GRN: variants seen among roughly 807,000 people sequenced by gnomAD.
GRN encodes the protein progranulin.
A neutral mutation model predicts 66.7 loss-of-function variants in GRN; 30 were observed. That is an observed-to-expected ratio of 0.45 (90% CI 0.34 to 0.61). The LOEUF (loss-of-function observed/expected upper bound fraction) is 0.61, where lower values mean the gene tolerates loss of function less well. Among genes scored for constraint, GRN ranks in the 20% least tolerant of loss-of-function variants. The pLI is 0.01. For missense variants in GRN, 731 were observed against 803.5 expected (o/e 0.91, Z 1.09); for synonymous variants, 327 against 311.1 (o/e 1.05, Z -0.54).
intron 4 of GRN, 162 bp downstream of exon 4, chr17:44,349,913 C>G: frequency 1.5e-6 from 1 of 659,980 alleles, no homozygotes; most frequent in East Asian, 2.7e-5. Context: ...AGGGGCAGCA[C>G]TGGGGATAGG....
intron 1 of GRN, among the ~76,000 whole-genome samples, chr17:44,348,564 C>T (rs776918079): frequency 2.6e-4 from 40 of 152,236 alleles, no homozygotes; most frequent in Non-Finnish European, 5.3e-4. Context: ...CTGGGGAAGG[C>T]AGCCCAGACT....
Position 44,352,012 on chromosome 17 carries a change from C to T in GRN, c.1180-3C>T, listed in dbSNP as rs368307425. The T allele has an allele frequency of 6.0e-5, 97 of 1,610,714 alleles. 1 individual carries two copies. The African/African-American group carries it at 1.2e-3, about 20-fold the overall frequency. Reference sequence around the variant, plus strand: ...ACAACGCCCTTTCCTGCCCACCCCCCAGGCTGTCTGCTGCTCGGACCACCA... The same window carrying T: ...ACAACGCCCTTTCCTGCCCACCCCCTAGGCTGTCTGCTGCTCGGACCACCA... On this transcript the variant is annotated splice_polypyrimidine_tract_variant and splice_region_variant and intron_variant, in intron 10 of 12. Transcript: ENST00000053867.
rs1452157630 is a variant in GRN, at chr17:44,350,438, T to C, written c.463-4T>C. 6.2e-7 allele frequency: 1 copy of C among 1,613,928 alleles called. No individual in the cohort carries two copies. Among genetic ancestry groups the C allele is most frequent in the Non-Finnish European group, 8.5e-7 (1 of 1,179,972 alleles). Reference sequence around the variant, plus strand: ...AAGACGGAGTCAGGACCATTTTTTCTCAGGCTTCCTGCTGTGAAGACAGGG... The same window carrying C: ...AAGACGGAGTCAGGACCATTTTTTCCCAGGCTTCCTGCTGTGAAGACAGGG... On this transcript the variant is annotated splice_region_variant and splice_polypyrimidine_tract_variant and intron_variant, in intron 5 of 12. Coordinates refer to ENST00000053867, the MANE Select transcript of GRN (RefSeq NM_002087.4).
Position 44,351,457 on chromosome 17 carries a change from C to G in GRN, c.930C>G (p.Thr310=). The G allele has an allele frequency of 6.2e-7, 1 of 1,613,138 alleles. No homozygotes were observed. Among genetic ancestry groups the G allele is most frequent in the Non-Finnish European group, 8.5e-7 (1 of 1,179,292 alleles). ...GGGCCTGGGGCTGCTGCCCTTTTACCCAGGTACCCAGGGGTGGCGGGTGGG... is the reference window on the plus strand; with the variant it reads ...GGGCCTGGGGCTGCTGCCCTTTTACGCAGGTACCCAGGGGTGGCGGGTGGG... ...QSGAWGCCPF[T]QAVCCEDHIH... Residue 310 remains threonine (T), a synonymous_variant, in exon 9 of 13, where the codon ACC becomes ACG. Transcript: ENST00000053867.
intron 1 of GRN, chr17:44,345,964 T>C (rs1243594042): frequency 6.6e-6 from 1 of 152,346 alleles, no homozygotes; most frequent in African/African-American, 2.4e-5. Flanking sequence ...AAGAGGCTGC[T>C]GTCCCCTCTG....
chr17:44,351,489 G>A (rs1335525829), intron 9 of GRN, 29 bp downstream of exon 9: 1 of 1,613,186 alleles, frequency 6.2e-7, no homozygotes, highest in African/African-American at 1.3e-5. Flanking sequence ...TGGGTGGGCT[G>A]AGCACAGTGT....
chr17:44,352,737 G>A lies in GRN; in HGVS notation c.1721G>A (p.Arg574His), dbSNP rs756117423. ...RCAARGTKCLRREAPRWDAPL... is the reference protein window; with the variant it reads ...RCAARGTKCLHREAPRWDAPL... ...GCAGCCAGGGGTACCAAGTGTTTGC[G>A]CAGGGAGGCCCCGCGCTGGGACGCC... Residue 574 changes from arginine (R) to histidine (H), a missense_variant, in exon 13 of 13, where the codon CGC (arginine) becomes CAC (histidine). By Grantham distance (29) the Arg-to-His change is conservative (BLOSUM62 0). Coordinates refer to ENST00000053867, the MANE Select transcript of GRN (RefSeq NM_002087.4). 25 of 1,611,492 alleles carry A rather than the reference G, an allele frequency of 1.6e-5. No homozygotes were observed. The highest frequency in any genetic ancestry group is 1.3e-4 in the East Asian group (6 of 44,894).
chr17:44,350,112 C>A, intron 4 of GRN, 116 bp from the exon 5 acceptor site: 1 of 802,100 alleles, frequency 1.2e-6, no homozygotes, highest in South Asian at 1.4e-5. Flanking sequence ...GCCTTAGTGT[C>A]ACCCTCAAAC....
rs780101239 is a variant in GRN, at chr17:44,351,750, C to T, written c.1134C>T (p.Cys378=). 7 of 1,613,694 alleles carry T rather than the reference C, an allele frequency of 4.3e-6. No homozygotes were observed. The South Asian group carries it at 7.7e-5, about 18-fold the overall frequency. Residue 378 remains cysteine, a synonymous_variant, in exon 10 of 13, where the codon TGC becomes TGT. Coordinates refer to ENST00000053867, the MANE Select transcript of GRN (RefSeq NM_002087.4). ...NVSSCPSSDT[C]CQLTSGEWGC... ...GCAGCTGTCCCTCCTCCGATACCTG[C>T]TGCCAACTCACGTCTGGGGAGTGGG...
rs995055474 is a variant in GRN at position 44,353,025 on chromosome 17, T to C, written c.*227T>C. 1.7e-6 allele frequency: 1 copy of C among 605,574 alleles called. No individual in the cohort carries two copies. Among genetic ancestry groups the C allele is most frequent in the African/African-American group, 1.9e-5 (1 of 53,994 alleles). 37.5% of individuals were successfully genotyped at this position (605,574 alleles called of 1,614,324 possible). On this transcript the variant is annotated 3_prime_UTR_variant, in exon 13 of 13. Transcript: ENST00000053867. The stretch of plus-strand genomic sequence containing the variant: ...CCCCTCCCCGTTTCAGTGGACCCTG[T>C]GGCCAGGTGCTTTTCCCTATCCACA...
rs1475553309 is a variant in GRN at position 44,350,437 on chromosome 17, C to T, written c.463-5C>T. The stretch of plus-strand genomic sequence containing the variant: ...GAAGACGGAGTCAGGACCATTTTTT[C>T]TCAGGCTTCCTGCTGTGAAGACAGG... On this transcript the variant is annotated splice_region_variant and splice_polypyrimidine_tract_variant and intron_variant, in intron 5 of 12. Coordinates refer to ENST00000053867, the MANE Select transcript of GRN (RefSeq NM_002087.4). 19 of 1,613,888 alleles carry T rather than the reference C, an allele frequency of 1.2e-5. No individual in the cohort carries two copies. Among genetic ancestry groups the T allele is most frequent in the Non-Finnish European group, 1.6e-5 (19 of 1,179,962 alleles).
At chr17:44,351,485 G>T in intron 9 of GRN, 25 bp downstream of exon 9, 1 of 1,612,982 alleles carries the variant, frequency 6.2e-7, no homozygotes, top group South Asian at 1.1e-5. Context: ...CGGGTGGGTG[G>T]GCTGAGCACA....
At position 44,352,230 on chromosome 17, in the gene GRN, C is replaced by A; in HGVS notation, c.1395C>A (p.Ala465=). The stretch of plus-strand genomic sequence containing the variant: ...GCCCGAGCCTGGGTGGGAGCTGGGC[C>A]TGCTGCCAGTTGCCCCATGTGAGTG... The part of the protein sequence containing the change: ...TCCPSLGGSW[A]CCQLPHAVCC... The change falls in exon 11 of 13, where the codon GCC becomes GCA. Residue 465 remains alanine (A), a synonymous_variant. Transcript: ENST00000053867. 1.2e-6 allele frequency: 2 copies of A among 1,612,192 alleles called. No individual in the cohort carries two copies. The highest frequency in any genetic ancestry group is 1.7e-6 in the Non-Finnish European group (2 of 1,179,450).
intron 4 of GRN, 53 bp from the exon 5 acceptor site, chr17:44,350,175 G>GAA: frequency 1.9e-6 from 2 of 1,071,036 alleles, no homozygotes; most frequent in Non-Finnish European, 1.4e-6. Context: ...GTGTGATGGG[G>GAA]GAGTCACCTT....
chr17:44,349,786 G>C (rs376194345), intron 4 of GRN, 35 bp downstream of exon 4: 11 of 1,418,432 alleles, frequency 7.8e-6, no homozygotes, highest in Non-Finnish European at 1.1e-5. Flanking sequence ...GCAGGCAGAC[G>C]GGCAGCATGT....
rs2048375191 is a variant in GRN, at chr17:44,351,622, G to C, written c.1006G>C (p.Glu336Gln). Residue 336 changes from glutamate (E) to glutamine (Q), a missense_variant, in exon 10 of 13, where the codon GAA (glutamate) becomes CAA (glutamine). Transcript: ENST00000053867. ...GTGTGACACGCAGAAGGGTACCTGT[G>C]AACAGGGGCCCCACCAGGTGCCCTG... The part of the protein sequence containing the change: ...FTCDTQKGTC[E>Q]QGPHQVPWME... 6.2e-7 allele frequency: 1 copy of C among 1,614,084 alleles called. No homozygotes were observed. The highest frequency in any genetic ancestry group is 1.7e-5 in the Admixed American group (1 of 60,026).
In GRN at chr17:44,352,105, G is replaced by A. The variant is rs2048381730; in HGVS notation, c.1270G>A (p.Ala424Thr). 1 of 1,613,926 alleles carries A rather than the reference G, an allele frequency of 6.2e-7. No homozygotes were observed. Among genetic ancestry groups the A allele is most frequent in the African/African-American group, 1.3e-5 (1 of 75,034 alleles). The part of the protein sequence containing the change: ...GQCQRGSEIV[A>T]GLEKMPARRA... ...GTGTCAGCGAGGAAGCGAGATCGTG[G>A]CTGGACTGGAGAAGATGCCTGCCCG... is the stretch of plus-strand genomic sequence containing the variant. The change falls in exon 11 of 13, where the codon GCT becomes ACT. Residue 424 changes from alanine to threonine, a missense_variant. Physicochemically the swap from Ala to Thr is moderately conservative, Grantham distance 58. Around this residue, in one of 3 missense-constraint regions of GRN, gnomAD observed 319 missense variants for 347.2 expected, o/e 0.92. Transcript: ENST00000053867.
intron 8 of GRN, 70 bp from the exon 9 acceptor site, chr17:44,351,293 C>T (rs1413076163): frequency 2.1e-5 from 32 of 1,522,012 alleles, no homozygotes; most frequent in Non-Finnish European, 2.5e-5. Flanking sequence ...GCTGTGGAGC[C>T]GGCAAAGGGT....
At position 44,351,796 on chromosome 17, in the gene GRN, GTA is replaced by G. The variant is rs1426639904; in HGVS notation, c.1179+5_1179+6del. 6.2e-7 allele frequency: 1 copy of G among 1,612,714 alleles called. No homozygotes were observed. The highest frequency in any genetic ancestry group is 8.5e-7 in the Non-Finnish European group (1 of 1,179,666). ...GTGGGGCTGCTGTCCAATCCCAGAG[GTA>G]TATGGGAGGGGACAGCATCTTGGCC... On this transcript the variant is annotated splice_donor_variant and splice_donor_region_variant and intron_variant, in intron 10 of 12. Transcript: ENST00000053867. LOFTEE classifies it high-confidence loss of function.
Sources: allele counts gnomAD v4.1 joint callset (sites outside exome capture counted in the v4.1 genomes callset), GRCh38; gene constraint gnomAD v4.1.1; regional missense constraint gnomAD v4.1.1; transcripts MANE v1.5; gene names NCBI Gene and HGNC (gene_info 2026-07-23, HGNC 2026-07-21).